Variants in ARHGAP8 observed in about 807,000 individuals in gnomAD.
ARHGAP8 encodes rho GTPase-activating protein 8.
A neutral mutation model predicts 46.1 loss-of-function variants in ARHGAP8; 62 were observed. The ratio of observed to expected loss-of-function variants is 1.34; its 90% CI spans 1.10 to 1.66. The LOEUF (loss-of-function observed/expected upper bound fraction) is 1.66. ARHGAP8 is among the 40% of genes most tolerant of loss of function. ARHGAP8 has a pLI of 0.00. For missense variants in ARHGAP8, 923 were observed against 568.4 expected (o/e 1.62, Z -6.34); for synonymous variants, 375 against 243.1 (o/e 1.54, Z -5.05).
chr22:44,857,458 C>G (rs919215388), intron 10 of ARHGAP8, among the ~76,000 whole-genome samples: 1 of 152,112 alleles, frequency 6.6e-6, no homozygotes, highest in Admixed American at 6.6e-5. Flanking sequence ...GAAAAACATA[C>G]CAGTTTATTT....
chr22:44,773,472 T>C (rs1926191057), intron 1 of ARHGAP8, among the ~76,000 whole-genome samples: 1 of 152,256 alleles, frequency 6.6e-6, no homozygotes, highest in African/African-American at 2.4e-5. Flanking sequence ...TGGTTTTTAC[T>C]AATTACACTG....
At chr22:44,804,401 C>G (rs1184224220) in intron 3 of ARHGAP8, among the ~76,000 whole-genome samples, 1 of 152,142 alleles carries the variant, frequency 6.6e-6, no homozygotes, top group Non-Finnish European at 1.5e-5. Flanking sequence ...GCCCCCAGGC[C>G]CAGGGGAGAA....
Position 44,814,797 on chromosome 22 carries a change from A to T in ARHGAP8, c.386+39A>T, listed in dbSNP as rs372800851. The T allele has an allele frequency of 9.3e-5, 149 of 1,607,808 alleles. 1 individual carries two copies. Among genetic ancestry groups the T allele is most frequent in the Admixed American group, 2.4e-4 (14 of 59,300 alleles). On this transcript the variant is annotated intron_variant, in intron 5 of 11. Transcript: ENST00000356099. ...TGGGAGAGGACCTCGCTGGGGTTGG[A>T]GGTTTCACCCCTCAGGGTCCATGGG... is the stretch of plus-strand genomic sequence containing the variant.
intron 2 of ARHGAP8, among the ~76,000 whole-genome samples, chr22:44,792,105 C>T (rs1927733434): frequency 6.6e-6 from 1 of 151,748 alleles, no homozygotes; most frequent in African/African-American, 2.4e-5. Context: ...CTCCACCTCC[C>T]AGGTTCAAGC....
At chr22:44,825,163 G>A (rs2071759) in intron 6 of ARHGAP8, among the ~76,000 whole-genome samples, 18,437 of 151,974 alleles carry the variant, frequency 0.12, 1,409 homozygotes, top group East Asian at 0.27. Context: ...AGACACTTGC[G>A]AGAGCTGAGG....
At chr22:44,789,510 C>T (rs997178654) in intron 2 of ARHGAP8, among the ~76,000 whole-genome samples, 1 of 151,466 alleles carries the variant, frequency 6.6e-6, no homozygotes, top group Non-Finnish European at 1.5e-5. Flanking sequence ...GATGTATTGA[C>T]CTTTTTTTGA....
rs748559516 is a variant in ARHGAP8 at position 44,808,430 on chromosome 22, C to G, written c.291C>G (p.Phe97Leu). 1.2e-6 allele frequency: 2 copies of G among 1,613,872 alleles called. No individual in the cohort carries two copies. The highest frequency in any genetic ancestry group is 1.3e-5 in the African/African-American group (1 of 74,906). ...GGCTCCAGAGCGCATACAAGGAGTT[C>G]GATAGGAAGTACGTGCCCGCAAGCC... ...LGWLQSAYKE[F>L]DRKYKKNLKA... The change falls in exon 4 of 12, where the codon TTC becomes TTG. Residue 97 changes from phenylalanine (F) to leucine (L), a missense_variant. Transcript: ENST00000356099.
chr22:44,780,678 G>A (rs1042097625), intron 1 of ARHGAP8, among the ~76,000 whole-genome samples: 12 of 152,010 alleles, frequency 7.9e-5, no homozygotes, highest in African/African-American at 2.7e-4. Context: ...AAATAAAATA[G>A]GTATTCAGTG....
At position 44,859,751 on chromosome 22, in the gene ARHGAP8, G is replaced by C. The variant is rs568417355; in HGVS notation, c.898G>C (p.Val300Leu). The change falls in exon 11 of 12, where the codon GTC (valine) becomes CTC (leucine). Residue 300 changes from valine (V) to leucine (L), a missense_variant. By Grantham distance (32) the Val-to-Leu change is conservative (BLOSUM62 1). Coordinates refer to ENST00000356099, the MANE Select transcript of ARHGAP8 (RefSeq NM_181335.3). ...GITCVESSLR[V>L]TGCRQILRSL... ...TCCAGGTGTGGAGAGCAGCCTGCGT[G>C]TCACTGGCTGCCGCCAGATCTTACG... The C allele has an allele frequency of 4.2e-5, 67 of 1,613,896 alleles. 1 individual carries two copies. In the African/African-American group the frequency reaches 6.4e-4, roughly 15 times the overall value.
At chr22:44,799,597 T>C (rs772603991) in intron 2 of ARHGAP8, among the ~76,000 whole-genome samples, 8 of 152,102 alleles carry the variant, frequency 5.3e-5, no homozygotes, top group Non-Finnish European at 1.0e-4. Flanking sequence ...TCCCCACTCC[T>C]GACGACAGCC....
At chr22:44,832,572 C>T (rs1259669468) in intron 7 of ARHGAP8, among the ~76,000 whole-genome samples, 1 of 152,064 alleles carries the variant, frequency 6.6e-6, no homozygotes. Flanking sequence ...TTGCTAGGTT[C>T]TAGAAATACA....
chr22:44,838,432 G>A (rs192315587), intron 7 of ARHGAP8, among the ~76,000 whole-genome samples: 7 of 151,688 alleles, frequency 4.6e-5, no homozygotes, highest in East Asian at 1.9e-4. Flanking sequence ...CACCGTACCC[G>A]GCCTTAATTT....
intron 1 of ARHGAP8, among the ~76,000 whole-genome samples, chr22:44,776,652 C>T (rs1926444245): frequency 6.6e-6 from 1 of 152,056 alleles, no homozygotes; most frequent in African/African-American, 2.4e-5. Context: ...CTGTGTTGCC[C>T]TTTATTCTGA....
chr22:44,822,680 G>A (rs1297427612), intron 6 of ARHGAP8, among the ~76,000 whole-genome samples: 3 of 152,212 alleles, frequency 2.0e-5, no homozygotes, highest in Admixed American at 6.5e-5. Context: ...TATACAGGAC[G>A]GGATGTTTTC....
intron 1 of ARHGAP8, among the ~76,000 whole-genome samples, chr22:44,775,759 T>C (rs1926375949): frequency 6.6e-6 from 1 of 152,120 alleles, no homozygotes; most frequent in East Asian, 1.9e-4. Flanking sequence ...CCATAACTCT[T>C]TAAGGGAAAT....
intron 4 of ARHGAP8, among the ~76,000 whole-genome samples, chr22:44,811,902 T>C (rs5766049): frequency 0.5 from 75,020 of 151,018 alleles, 19,413 homozygotes; most frequent in African/African-American, 0.62. Context: ...GAGGCTGAGA[T>C]ATAAGAATCC....
At chr22:44,766,954 A>G (rs1174563090) in intron 1 of ARHGAP8, among the ~76,000 whole-genome samples, 1 of 152,172 alleles carries the variant, frequency 6.6e-6, no homozygotes, top group African/African-American at 2.4e-5. Context: ...TTGAAAATGG[A>G]TATCAAGTCT....
At position 44,786,563 on chromosome 22, in the gene ARHGAP8, C is replaced by G; in HGVS notation, c.36C>G (p.His12Gln). The part of the protein sequence containing the change: ...AGQDPALSTS[H>Q]PFYDVARHGI... ...AGGATCCTGCGCTGAGCACGAGTCA[C>G]CCGTTCTACGACGTGGCCAGACATG... Residue 12 changes from histidine to glutamine, a missense_variant, in exon 2 of 12, where the codon CAC (histidine) becomes CAG (glutamine). Physicochemically the swap from His to Gln is conservative, Grantham distance 24. Transcript: ENST00000356099. The G allele has an allele frequency of 3.7e-6, 6 of 1,613,548 alleles. No homozygotes were observed. Among genetic ancestry groups the G allele is most frequent in the Non-Finnish European group, 5.1e-6 (6 of 1,179,776 alleles).
At chr22:44,774,517 G>A (rs1301270594) in intron 1 of ARHGAP8, among the ~76,000 whole-genome samples, 4 of 139,298 alleles carry the variant, frequency 2.9e-5, no homozygotes, top group African/African-American at 7.7e-5. Flanking sequence ...TTCTTTGGGA[G>A]ATTTTTTTTT....
Sources: allele counts gnomAD v4.1 joint callset (sites outside exome capture counted in the v4.1 genomes callset), GRCh38; gene constraint gnomAD v4.1.1; transcripts MANE v1.5; gene names NCBI Gene and HGNC (gene_info 2026-07-23, HGNC 2026-07-21).